STPG2: variants seen among roughly 807,000 people sequenced by gnomAD.
The protein encoded by STPG2 is sperm-tail PG-rich repeat-containing protein 2.
STPG2 carries 56 observed loss-of-function variants against 54.2 expected under a neutral mutation model. That is an observed-to-expected ratio of 1.03 (90% CI 0.83 to 1.29). The LOEUF (loss-of-function observed/expected upper bound fraction) is 1.29, where lower values mean the gene tolerates loss of function less well. STPG2 is among the 50% of genes most tolerant of loss of function. The pLI is 0.00. For synonymous variants in STPG2, 200 were observed against 181.8 expected, an observed-to-expected ratio of 1.10 and a Z score of -0.81; for missense variants, 596 against 544.9, an observed-to-expected ratio of 1.09 and a Z score of -0.93.
At chr4:97,728,852 C>A (rs1210799243) in intron 9 of STPG2, among the ~76,000 whole-genome samples, 1 of 151,688 alleles carries the variant, frequency 6.6e-6, no homozygotes, top group Non-Finnish European at 1.5e-5. Flanking sequence ...ACAAATATCT[C>A]CAGAAATCTT....
chr4:97,579,820 A>G (rs1330914287), intron 10 of STPG2, among the ~76,000 whole-genome samples: 1 of 152,046 alleles, frequency 6.6e-6, no homozygotes, highest in Non-Finnish European at 1.5e-5. Context: ...AAACTGTGCA[A>G]TTAAAAAACC....
intron 4 of STPG2, among the ~76,000 whole-genome samples, chr4:97,488,366 T>C (rs888780392): frequency 2.0e-5 from 3 of 151,718 alleles, no homozygotes; most frequent in African/African-American, 7.3e-5. Flanking sequence ...TATCCCAGTT[T>C]ACAGATGAGA....
At chr4:98,132,615 G>A (rs1740029108) in intron 2 of STPG2, among the ~76,000 whole-genome samples, 1 of 151,086 alleles carries the variant, frequency 6.6e-6, no homozygotes, top group African/African-American at 2.4e-5. Flanking sequence ...TAAAATGGAG[G>A]GAAAAAAACC....
intron 4 of STPG2, among the ~76,000 whole-genome samples, chr4:97,484,282 G>A (rs1730300268): frequency 6.6e-6 from 1 of 151,720 alleles, no homozygotes; most frequent in African/African-American, 2.4e-5. Context: ...CAAACAGCCA[G>A]TTCTTTGAAA....
chr4:98,042,183 C>G (rs1448269542), intron 5 of STPG2, among the ~76,000 whole-genome samples: 1 of 150,708 alleles, frequency 6.6e-6, no homozygotes. Flanking sequence ...ATAAGTGTGT[C>G]TTTTTTCATT....
At chr4:97,793,214 C>T (rs1433755007) in intron 9 of STPG2, among the ~76,000 whole-genome samples, 1 of 151,968 alleles carries the variant, frequency 6.6e-6, no homozygotes, top group Non-Finnish European at 1.5e-5. Flanking sequence ...TAATCTGTTC[C>T]ATTTTCACAT....
intron 5 of STPG2, among the ~76,000 whole-genome samples, chr4:98,068,289 C>T (rs561169305): frequency 6.6e-6 from 1 of 152,144 alleles, no homozygotes; most frequent in South Asian, 2.1e-4. Context: ...AGGTCAAATT[C>T]CTTTATTTAA....
chr4:97,456,292 G>A (rs2148803161), intron 4 of STPG2, among the ~76,000 whole-genome samples: 1 of 152,206 alleles, frequency 6.6e-6, no homozygotes, highest in East Asian at 1.9e-4. Flanking sequence ...AAGCAAAGGG[G>A]AAGCAAGCAC....
At chr4:97,862,612 G>A (rs545835844) in intron 8 of STPG2, among the ~76,000 whole-genome samples, 4 of 152,218 alleles carry the variant, frequency 2.6e-5, no homozygotes, top group South Asian at 2.1e-4. Flanking sequence ...GACATCTGCA[G>A]AACGGTCCAC....
intron 4 of STPG2, chr4:97,489,714 G>A (rs1416537459): frequency 2.0e-5 from 3 of 151,576 alleles, no homozygotes; most frequent in African/African-American, 7.3e-5. Context: ...ACCACTCGGG[G>A]TTTTCTCTTC....
At chr4:97,456,707 A>C (rs934897681) in intron 4 of STPG2, among the ~76,000 whole-genome samples, 1 of 151,936 alleles carries the variant, frequency 6.6e-6, no homozygotes, top group African/African-American at 2.4e-5. Context: ...CATCCTGGCT[A>C]ACATGGTGAA....
chr4:98,086,513 T>C (rs1454390715), intron 5 of STPG2, among the ~76,000 whole-genome samples: 1 of 152,026 alleles, frequency 6.6e-6, no homozygotes, highest in Non-Finnish European at 1.5e-5. Flanking sequence ...ACAAATTCAT[T>C]TCATTTTTAA....
chr4:97,794,957 A>G (rs773769311), intron 9 of STPG2, among the ~76,000 whole-genome samples: 10 of 152,184 alleles, frequency 6.6e-5, no homozygotes, highest in Non-Finnish European at 1.2e-4. Context: ...TGGTTGCAAA[A>G]ATGATAATTT....
At chr4:97,512,152 G>A (rs760306557) in intron 4 of STPG2, among the ~76,000 whole-genome samples, 10 of 152,086 alleles carry the variant, frequency 6.6e-5, no homozygotes, top group Non-Finnish European at 1.5e-4. Flanking sequence ...AATTAGAAGT[G>A]TGTAAAACCA....
intron 3 of STPG2, among the ~76,000 whole-genome samples, chr4:98,122,630 C>T (rs6532720): frequency 0.4 from 60,130 of 151,986 alleles, 12,131 homozygotes; most frequent in Middle Eastern, 0.46. Flanking sequence ...GGGATATTGG[C>T]CTACAGTTTT....
chr4:97,898,962 C>T (rs1407486543), intron 8 of STPG2, among the ~76,000 whole-genome samples: 1 of 151,418 alleles, frequency 6.6e-6, no homozygotes. Context: ...TATTGAAAGT[C>T]CTAGTCAGAG....
At chr4:97,756,252 G>A (rs1725728770) in intron 9 of STPG2, among the ~76,000 whole-genome samples, 1 of 152,102 alleles carries the variant, frequency 6.6e-6, no homozygotes, top group Non-Finnish European at 1.5e-5. Context: ...ATTATTGAAA[G>A]AGAAAAAATG....
At chr4:98,091,291 C>T (rs2110126517) in intron 5 of STPG2, among the ~76,000 whole-genome samples, 1 of 152,106 alleles carries the variant, frequency 6.6e-6, no homozygotes, top group South Asian at 2.1e-4. Flanking sequence ...CTAACAATTA[C>T]CTGTTCTAAC....
At chr4:98,103,941 CTATT>C (rs1230908379) in intron 5 of STPG2, among the ~76,000 whole-genome samples, 2 of 152,098 alleles carry the variant, frequency 1.3e-5, no homozygotes, top group African/African-American at 4.8e-5. Context: ...ATTACAAATT[CTATT>C]TTCAAATTTC....
Sources: gnomAD v4.1 joint callset for allele counts (sites outside exome capture counted in the v4.1 genomes callset) on GRCh38, gnomAD v4.1.1 for gene constraint, MANE v1.5 for transcripts, NCBI Gene and HGNC (gene_info 2026-07-23, HGNC 2026-07-21) for gene names.